The following ATP13A3 variants were observed in gnomAD, a reference collection of about 807,000 sequenced individuals.
The protein encoded by ATP13A3 is ATPase 13A3, also known as polyamine-transporting ATPase 13A3.
ATP13A3 carries 59 observed loss-of-function variants against 158.1 expected under a neutral mutation model. That is an observed-to-expected ratio of 0.37 (90% CI 0.30 to 0.46). The LOEUF is 0.46. Among genes scored for constraint, ATP13A3 ranks in the 20% least tolerant of loss-of-function variants. The pLI, the probability that ATP13A3 is intolerant of heterozygous loss-of-function variation, is 1.00. For missense variants in ATP13A3, 1,166 were observed against 1,525.2 expected, an observed-to-expected ratio of 0.76 and a Z score of 3.92; for synonymous variants, 491 against 504.3, an observed-to-expected ratio of 0.97 and a Z score of 0.35.
At chr3:194,483,322 A>G (rs193263538) in intron 2 of ATP13A3, among the ~76,000 whole-genome samples, 1 of 150,602 alleles carries the variant, frequency 6.6e-6, no homozygotes, top group East Asian at 2.0e-4. Flanking sequence ...GGGTGCAGTG[A>G]TAAATGCCTG....
intron 2 of ATP13A3, among the ~76,000 whole-genome samples, chr3:194,480,760 G>A (rs1239080673): frequency 6.6e-6 from 1 of 152,078 alleles, no homozygotes; most frequent in Non-Finnish European, 1.5e-5. Flanking sequence ...TTACACTCTG[G>A]GGGGAAGCAA....
rs1197097228 is a variant in ATP13A3 at position 194,448,554 on chromosome 3, T to C, written c.1053A>G (p.Pro351=). 1 of 1,613,974 alleles carries C rather than the reference T, an allele frequency of 6.2e-7. No homozygotes were observed. The highest frequency in any genetic ancestry group is 8.5e-7 in the Non-Finnish European group (1 of 1,179,948). ...ACAAAGTATGTCGTTTATGTGTTTC[T>C]GGATTATATAATTCATCTCCTATTC... ...VKGIGDELYN[P]ETHKRHTLFC... Residue 351 remains proline (P), a synonymous_variant, in exon 12 of 34, where the codon CCA becomes CCG. Transcript: ENST00000645319. The surrounding 1 kb of genome is among the most constrained non-coding windows in gnomAD (Gnocchi z 4.0).
intron 10 of ATP13A3, among the ~76,000 whole-genome samples, chr3:194,453,391 G>A (rs774679481): frequency 6.0e-5 from 9 of 150,626 alleles, no homozygotes; most frequent in Non-Finnish European, 1.2e-4. Flanking sequence ...CCAGAAGTCT[G>A]AGACCAGACT....
In ATP13A3 at chr3:194,447,915, T is replaced by C. The variant is rs1718514892; in HGVS notation, c.1245A>G (p.Leu415=). 2 of 1,611,580 alleles carry C rather than the reference T, an allele frequency of 1.2e-6. No homozygotes were observed. Among genetic ancestry groups the C allele is most frequent in the South Asian group, 1.1e-5 (1 of 91,014 alleles). The change falls in exon 13 of 34, where the codon CTA becomes CTG. Residue 415 remains leucine (L), a synonymous_variant. Transcript: ENST00000645319. The part of the protein sequence containing the change: ...KLYRDAYLFL[L]CLVAVAGIGF... ...CAATGCCAGCAACTGCCACAAGACA[T>C]AGTAGAAACAAGTAGGCATCTCTGT...
chr3:194,460,956 A>C lies in ATP13A3; in HGVS notation c.52-125T>G, dbSNP rs1427588433. On this transcript the variant is annotated intron_variant, in intron 3 of 33. Transcript: ENST00000645319. ...TTGTCTTGTCACATAAACTGTAAAT[A>C]TTTTCCAATCCATAATTTACCTTTA... 3.1e-5 allele frequency: 32 copies of C among 1,027,050 alleles called. No homozygotes were observed. In the Admixed American group the frequency reaches 4.4e-4, roughly 14 times the overall value. 63.6% of individuals were successfully genotyped at this position (1,027,050 alleles called of 1,614,324 possible). A position where few individuals can be genotyped will look rare whatever the true frequency, so the allele number is the denominator to read the frequency against.
In ATP13A3 at chr3:194,406,101, A is replaced by G. The variant is rs1233237381; in HGVS notation, c.3589T>C (p.Trp1197Arg). ...GCCCAGGGTAAGCAGCATTTTCCCC[A>G]CCGATCCACTGACTCCTAAGAAAAT... ...TQPPQESVDR[W>R]GKCCLPWALG... Residue 1197 changes from tryptophan to arginine, a missense_variant, in exon 34 of 34, where the codon TGG (tryptophan) becomes CGG (arginine). Physicochemically the swap from Trp to Arg is moderately radical, Grantham distance 101. Around this residue, in one of 3 missense-constraint regions of ATP13A3, gnomAD observed 997 missense variants for 1,341.2 expected, o/e 0.74. Coordinates refer to ENST00000645319, the MANE Select transcript of ATP13A3 (RefSeq NM_001367549.1). The G allele has an allele frequency of 6.2e-7, 1 of 1,613,998 alleles. No homozygotes were observed. Among genetic ancestry groups the G allele is most frequent in the Non-Finnish European group, 8.5e-7 (1 of 1,180,012 alleles).
intron 31 of ATP13A3, among the ~76,000 whole-genome samples, chr3:194,416,615 A>G (rs1452998036): frequency 6.6e-6 from 1 of 152,236 alleles, no homozygotes; most frequent in Non-Finnish European, 1.5e-5. Flanking sequence ...TTTAGAGACA[A>G]GAGTAAGACA....
intron 13 of ATP13A3, 41 bp downstream of exon 13, chr3:194,447,811 T>TTA: frequency 6.6e-7 from 1 of 1,505,088 alleles, no homozygotes; most frequent in Middle Eastern, 1.7e-4. Context: ...ATATGATAAA[T>TTA]AATTGAGGTT....
chr3:194,426,384 G>C (rs1188319224), intron 29 of ATP13A3, among the ~76,000 whole-genome samples: 1 of 152,072 alleles, frequency 6.6e-6, no homozygotes, highest in Non-Finnish European at 1.5e-5. Context: ...GATCCGTAAA[G>C]CACTCTACAC....
intron 2 of ATP13A3, among the ~76,000 whole-genome samples, chr3:194,471,229 A>G (rs547736142): frequency 6.6e-6 from 1 of 151,268 alleles, no homozygotes; most frequent in African/African-American, 2.4e-5. Flanking sequence ...TAACAAGTAT[A>G]CTTCTATTAA....
At chr3:194,437,511 AT>A (rs1446062925) in intron 18 of ATP13A3, 44 bp downstream of exon 18, 1 of 1,613,182 alleles carries the variant, frequency 6.2e-7, no homozygotes, top group African/African-American at 1.3e-5. Flanking sequence ...TTCTTAAAGA[AT>A]CAAAACAAAT....
In ATP13A3 at chr3:194,414,211, C is replaced by T. The variant is rs563853512; in HGVS notation, c.3403-372G>A. Among the ~76,000 whole-genome samples, 5 of 152,086 alleles carry T rather than the reference C, an allele frequency of 3.3e-5. No individual in the cohort carries two copies. In the South Asian group the frequency reaches 1.0e-3, roughly 32 times the overall value. ...GGCACAGTGGCTCATGCCTGTGATC[C>T]CAACATCTTGGGAGGCAGAGGTGGG... On this transcript the variant is annotated intron_variant, in intron 31 of 33. Coordinates refer to ENST00000645319, the MANE Select transcript of ATP13A3 (RefSeq NM_001367549.1).
intron 33 of ATP13A3, among the ~76,000 whole-genome samples, chr3:194,410,013 G>T (rs1715240244): frequency 6.6e-6 from 1 of 151,782 alleles, no homozygotes; most frequent in African/African-American, 2.4e-5. Context: ...CCTTAATCAT[G>T]ACCACAGAAA....
At position 194,460,489 on chromosome 3, in the gene ATP13A3, T is replaced by C. The variant is rs9854122; in HGVS notation, c.225+169A>G. Among the ~76,000 whole-genome samples the C allele has an allele frequency of 0.13, 19,459 of 152,154 alleles. 3,306 individuals are homozygous for C. Among genetic ancestry groups the C allele is most frequent in the African/African-American group, 0.39 (16,312 of 41,440 alleles). On this transcript the variant is annotated intron_variant, in intron 4 of 33. Transcript: ENST00000645319. ...TTAAGATTCCTTTAAACTCTAATCA[T>C]TATAATAATAGTCAATTCAAACACA...
intron 8 of ATP13A3, among the ~76,000 whole-genome samples, chr3:194,455,246 C>G (rs577468195): frequency 1.3e-5 from 2 of 151,178 alleles, no homozygotes; most frequent in African/African-American, 2.5e-5. Context: ...AAAGGGAGAC[C>G]TTGGCAATGA....
intron 33 of ATP13A3, among the ~76,000 whole-genome samples, chr3:194,408,590 ATTC>A (rs1715125017): frequency 6.6e-6 from 1 of 152,218 alleles, no homozygotes; most frequent in Admixed American, 6.5e-5. Context: ...ACTGAATAGG[ATTC>A]TTTTTATGCA....
At chr3:194,455,870 T>G in intron 8 of ATP13A3, 23 bp downstream of exon 8, 1 of 1,384,426 alleles carries the variant, frequency 7.2e-7, no homozygotes, top group Non-Finnish European at 1.0e-6. Context: ...GACTGTTAAG[T>G]TATATACAAT....
upstream of ATP13A3, among the ~76,000 whole-genome samples, chr3:194,489,953 A>G (rs1721125902): frequency 1.3e-5 from 2 of 152,168 alleles, no homozygotes; most frequent in African/African-American, 4.8e-5. This position sits in a 1 kb window ranked among gnomAD's most constrained non-coding sequence, Gnocchi z 4.1. Context: ...TTCTCAAGTC[A>G]TGATGATTCT....
At position 194,416,614 on chromosome 3, in the gene ATP13A3, A is replaced by T. The variant is rs899558145; in HGVS notation, c.3403-2775T>A. ...TATTAGGAACACGTCCTTTAGAGAC[A>T]AGAGTAAGACAAGGATATCACTATC... On this transcript the variant is annotated intron_variant, in intron 31 of 33. Transcript: ENST00000645319. Among the ~76,000 whole-genome samples the T allele has an allele frequency of 4.6e-5, 7 of 152,360 alleles. No homozygotes were observed. In the East Asian group the frequency reaches 7.7e-4, roughly 17 times the overall value.
Sources: allele counts gnomAD v4.1 joint callset (sites outside exome capture counted in the v4.1 genomes callset), GRCh38; gene constraint gnomAD v4.1.1; regional missense constraint gnomAD v4.1.1; non-coding constraint Gnocchi (gnomAD v3.1); transcripts MANE v1.5; gene names NCBI Gene and HGNC (gene_info 2026-07-23, HGNC 2026-07-21).